RNF217: variants seen among roughly 807,000 people sequenced by gnomAD.
The protein encoded by RNF217 is ring finger protein 217.
Under a neutral mutation model 57.8 loss-of-function variants are expected in RNF217, and 31 were observed. That is an observed-to-expected ratio of 0.54 (90% CI 0.40 to 0.72). The LOEUF is 0.72. Among genes scored for constraint, RNF217 ranks in the 30% least tolerant of loss-of-function variants. The pLI, the probability that RNF217 is intolerant of heterozygous loss-of-function variation, is 0.00. For missense variants in RNF217, 696 were observed against 708.3 expected (o/e 0.98, Z 0.20); for synonymous variants, 313 against 294.0 (o/e 1.06, Z -0.66).
At chr6:124,998,514 A>G (rs1177679090) in intron 1 of RNF217, among the ~76,000 whole-genome samples, 1 of 152,242 alleles carries the variant, frequency 6.6e-6, no homozygotes, top group Non-Finnish European at 1.5e-5. Context: ...AAAACTGTGT[A>G]GAAGGCCAGG....
intron 1 of RNF217, among the ~76,000 whole-genome samples, chr6:125,037,642 C>T (rs931871457): frequency 1.3e-5 from 2 of 152,076 alleles, no homozygotes; most frequent in African/African-American, 4.8e-5. Context: ...TAAAGTGAGG[C>T]GGACATCAGT....
At chr6:125,028,603 A>G (rs532600020) in intron 1 of RNF217, among the ~76,000 whole-genome samples, 1 of 152,224 alleles carries the variant, frequency 6.6e-6, no homozygotes. Context: ...ATGTATTATA[A>G]TTCAGTTTTA....
intron 1 of RNF217, among the ~76,000 whole-genome samples, chr6:125,028,936 T>G (rs1786229347): frequency 6.6e-6 from 1 of 152,158 alleles, no homozygotes; most frequent in African/African-American, 2.4e-5. Flanking sequence ...AACTTCATAT[T>G]TGATCTATCT....
intron 3 of RNF217, among the ~76,000 whole-genome samples, chr6:125,059,043 GGAA>G (rs1055029603): frequency 1.3e-5 from 2 of 151,974 alleles, no homozygotes; most frequent in African/African-American, 4.8e-5. Context: ...GAATACAATT[GGAA>G]GTAAAAGTAT....
intron 3 of RNF217, among the ~76,000 whole-genome samples, chr6:125,074,579 A>G (rs1193737096): frequency 1.3e-5 from 2 of 152,194 alleles, no homozygotes; most frequent in African/African-American, 2.4e-5. Flanking sequence ...CCTAAAAGCT[A>G]TACAACAAGG....
rs953247347 is a variant in RNF217, at chr6:125,087,384, T to C, written c.*4447T>C. The C allele has an allele frequency of 6.6e-6, 1 of 152,172 alleles. No individual in the cohort carries two copies. The highest frequency in any genetic ancestry group is 2.1e-4 in the South Asian group (1 of 4,834). The allele number at this position is 152,172 out of a possible 1,614,324, so 9.4% of individuals were successfully genotyped here. A position where few individuals can be genotyped will look rare whatever the true frequency, so the allele number is the denominator to read the frequency against. ...TTCACATTGGATTATATTTTTATTC[T>C]CCCATATTTGTGGCTGAAATCTCTC... On this transcript the variant is annotated 3_prime_UTR_variant, in exon 6 of 6. Transcript: ENST00000521654.
At chr6:125,022,823 G>T (rs1470476100) in intron 1 of RNF217, among the ~76,000 whole-genome samples, 2 of 151,952 alleles carry the variant, frequency 1.3e-5, no homozygotes, top group Non-Finnish European at 2.9e-5. Flanking sequence ...TAGTGGTCTG[G>T]TGCTCTCCTT....
At chr6:125,040,354 A>G (rs1299552816) in intron 1 of RNF217, among the ~76,000 whole-genome samples, 1 of 152,150 alleles carries the variant, frequency 6.6e-6, no homozygotes, top group Non-Finnish European at 1.5e-5. Context: ...AAATGGATAA[A>G]TCCCTGGACA....
Position 125,039,135 on chromosome 6 carries a change from A to T in RNF217, c.883-6076A>T, listed in dbSNP as rs183860361. On this transcript the variant is annotated intron_variant, in intron 1 of 5. Coordinates refer to ENST00000521654, the MANE Select transcript of RNF217 (RefSeq NM_001286398.3). ...CTGTTCCTGCTTTAGTTTGCTGAGG[A>T]TAATAGCTTCCAGCTCCATCCATGT... 1.7e-4 allele frequency among the ~76,000 whole-genome samples: 26 copies of T among 152,240 alleles called. 1 individual carries two copies. Among genetic ancestry groups the T allele is most frequent in the Admixed American group, 1.4e-3 (21 of 15,274 alleles).
intron 2 of RNF217, among the ~76,000 whole-genome samples, chr6:125,050,626 T>C (rs1029962119): frequency 1.9e-4 from 29 of 152,088 alleles, no homozygotes; most frequent in African/African-American, 6.7e-4. Flanking sequence ...TTCCTCCTGG[T>C]AAAGATAACT....
At chr6:125,051,775 C>G (rs1279456899) in intron 2 of RNF217, among the ~76,000 whole-genome samples, 1 of 151,992 alleles carries the variant, frequency 6.6e-6, no homozygotes, top group Non-Finnish European at 1.5e-5. Flanking sequence ...CTCTTGTGAG[C>G]TGTTATCCTG....
intron 2 of RNF217, among the ~76,000 whole-genome samples, chr6:125,055,382 G>A (rs1787484243): frequency 2.0e-5 from 3 of 152,134 alleles, no homozygotes; most frequent in South Asian, 4.1e-4. Context: ...CAGAGTCCCT[G>A]GTTTGGACAC....
intron 3 of RNF217, among the ~76,000 whole-genome samples, chr6:125,064,196 T>C (rs1787853436): frequency 6.6e-6 from 1 of 152,180 alleles, no homozygotes; most frequent in Admixed American, 6.5e-5. Context: ...TACTTTCAAA[T>C]AATGCCCATT....
intron 1 of RNF217, among the ~76,000 whole-genome samples, chr6:125,002,702 G>A (rs1248515549): frequency 6.6e-6 from 1 of 152,014 alleles, no homozygotes; most frequent in Non-Finnish European, 1.5e-5. Flanking sequence ...TTCTGATAGT[G>A]TCCGTGTGAT....
At chr6:124,972,925 A>G (rs1474755202) in intron 1 of RNF217, among the ~76,000 whole-genome samples, 1 of 152,148 alleles carries the variant, frequency 6.6e-6, no homozygotes, top group African/African-American at 2.4e-5. Flanking sequence ...TGCTTCCATT[A>G]GACTACAAAG....
chr6:125,011,545 CA>C (rs1562466916), intron 1 of RNF217, among the ~76,000 whole-genome samples: 1 of 152,052 alleles, frequency 6.6e-6, no homozygotes, highest in African/African-American at 2.4e-5. Context: ...GCCTTGTTAA[CA>C]ATTTTTAAAT....
intron 1 of RNF217, chr6:125,009,460 A>C: frequency 2.1e-6 from 1 of 486,954 alleles, no homozygotes; most frequent in Non-Finnish European, 3.7e-6. Context: ...TCTAGAAAGA[A>C]TGTAAGAAGG....
At position 125,088,736 on chromosome 6, in the gene RNF217, A is replaced by T. The variant is rs1285882160; in HGVS notation, c.*5799A>T. On this transcript the variant is annotated 3_prime_UTR_variant, in exon 6 of 6. Transcript: ENST00000521654. Reference sequence around the variant, plus strand: ...TTGTCACTTCCTTTTTTCTTCTAAAAATTTTCATTTGGTGTATCTAACTTT... The same window carrying T: ...TTGTCACTTCCTTTTTTCTTCTAAATATTTTCATTTGGTGTATCTAACTTT... 1 of 152,142 alleles carries T rather than the reference A, an allele frequency of 6.6e-6. No homozygotes were observed. The highest frequency in any genetic ancestry group is 2.4e-5 in the African/African-American group (1 of 41,444). 9.4% of individuals were successfully genotyped at this position (152,142 alleles called of 1,614,324 possible).
At chr6:125,002,832 A>G (rs1785040192) in intron 1 of RNF217, among the ~76,000 whole-genome samples, 1 of 152,148 alleles carries the variant, frequency 6.6e-6, no homozygotes, top group Non-Finnish European at 1.5e-5. Flanking sequence ...TTATAGCTAG[A>G]TGAAGGAGAG....
Sources: gnomAD v4.1 joint callset for allele counts (sites outside exome capture counted in the v4.1 genomes callset) on GRCh38, gnomAD v4.1.1 for gene constraint, MANE v1.5 for transcripts, NCBI Gene and HGNC (gene_info 2026-07-23, HGNC 2026-07-21) for gene names.